The following PRKN variants were observed in gnomAD, a reference collection of about 807,000 sequenced individuals.
The protein encoded by PRKN is E3 ubiquitin-protein ligase parkin.
A neutral mutation model predicts 59.5 loss-of-function variants in PRKN; 56 were observed. The ratio of observed to expected loss-of-function variants is 0.94; its 90% CI spans 0.76 to 1.18. The LOEUF (loss-of-function observed/expected upper bound fraction) is 1.18. Among genes scored for constraint, PRKN ranks in the 50% most tolerant of loss-of-function variants. PRKN has a pLI of 0.00. For synonymous variants in PRKN, 250 were observed against 222.1 expected, an observed-to-expected ratio of 1.13 and a Z score of -1.12; for missense variants, 657 against 596.4, an observed-to-expected ratio of 1.10 and a Z score of -1.06.
rs1011629886 is a variant in PRKN at position 161,502,929 on chromosome 6, T to C, written c.1083+45925A>G. Among the ~76,000 whole-genome samples, 2 of 152,172 alleles carry C rather than the reference T, an allele frequency of 1.3e-5. No homozygotes were observed. Among genetic ancestry groups the C allele is most frequent in the South Asian group, 2.1e-4 (1 of 4,826 alleles). On this transcript the variant is annotated intron_variant, in intron 9 of 11. Transcript: ENST00000366898. This position sits in a 1 kb window ranked among gnomAD's most constrained non-coding sequence, Gnocchi z 4.0. ...TTGCTTTAACCTTCACTTTCTTCATTTTAATTGTAGGAGGAGAACAGCACT... is the reference window on the plus strand; with the variant it reads ...TTGCTTTAACCTTCACTTTCTTCATCTTAATTGTAGGAGGAGAACAGCACT...
intron 9 of PRKN, among the ~76,000 whole-genome samples, chr6:161,387,292 G>T (rs1786301416): frequency 3.3e-5 from 5 of 152,202 alleles, no homozygotes; most frequent in Admixed American, 3.3e-4. Context: ...GATAGTGAGT[G>T]AGTTCTCACG....
intron 1 of PRKN, among the ~76,000 whole-genome samples, chr6:162,497,278 G>T (rs2128186731): frequency 6.6e-6 from 1 of 152,198 alleles, no homozygotes; most frequent in East Asian, 1.9e-4. Flanking sequence ...ATTTAAACTT[G>T]GCAAGTAGTC....
At chr6:161,996,524 T>G (rs1415168767) in intron 5 of PRKN, among the ~76,000 whole-genome samples, 1 of 152,164 alleles carries the variant, frequency 6.6e-6, no homozygotes, top group East Asian at 1.9e-4. Flanking sequence ...CCAAATTTAC[T>G]GAAATTAATT....
chr6:161,510,887 A>T (rs561077041), intron 9 of PRKN, among the ~76,000 whole-genome samples: 93 of 152,294 alleles, frequency 6.1e-4, no homozygotes, highest in Non-Finnish European at 7.8e-4. Flanking sequence ...CCATTTTTGC[A>T]GGAGAGGGTG....
intron 1 of PRKN, among the ~76,000 whole-genome samples, chr6:162,450,163 C>T (rs10945835): frequency 0.17 from 25,795 of 152,034 alleles, 2,531 homozygotes; most frequent in Non-Finnish European, 0.2. Flanking sequence ...GATGAAGGTG[C>T]GTTATCAGAC....
intron 5 of PRKN, among the ~76,000 whole-genome samples, chr6:162,013,094 C>T (rs1782798208): frequency 6.6e-6 from 1 of 152,078 alleles, no homozygotes; most frequent in South Asian, 2.1e-4. Context: ...GGTTGCCAAA[C>T]TGCAGTTTTT....
chr6:162,592,428 A>G (rs1781347912), intron 1 of PRKN, among the ~76,000 whole-genome samples: 1 of 152,178 alleles, frequency 6.6e-6, no homozygotes. Context: ...ACCTCTTCAG[A>G]TTCAGCTTTA....
chr6:162,345,168 C>T (rs1011798662), intron 2 of PRKN, among the ~76,000 whole-genome samples: 3 of 152,200 alleles, frequency 2.0e-5, no homozygotes, highest in Non-Finnish European at 4.4e-5. Context: ...ACAATTGCTC[C>T]TCACATATCA....
rs185305381 is a variant in PRKN at position 161,533,032 on chromosome 6, C to G, written c.1083+15822G>C. On this transcript the variant is annotated intron_variant, in intron 9 of 11. Coordinates refer to ENST00000366898, the MANE Select transcript of PRKN (RefSeq NM_004562.3). This position sits in a 1 kb window ranked among gnomAD's most constrained non-coding sequence, Gnocchi z 4.1. ...ATATTTTTAGATTTAAAAAAGGCAG[C>G]AAATTATGCAGCATAATAAAGATGG... Among the ~76,000 whole-genome samples, 6 of 152,058 alleles carry G rather than the reference C, an allele frequency of 3.9e-5. No homozygotes were observed. The East Asian group carries it at 1.2e-3, about 29-fold the overall frequency.
chr6:161,491,317 T>C (rs371720818), intron 9 of PRKN, among the ~76,000 whole-genome samples: 32 of 152,300 alleles, frequency 2.1e-4, no homozygotes, highest in African/African-American at 7.2e-4. Context: ...GCTTTCTCGA[T>C]TGCTCTGTGA....
At chr6:162,053,880 T>C (rs747189683) in intron 5 of PRKN, among the ~76,000 whole-genome samples, 12 of 152,142 alleles carry the variant, frequency 7.9e-5, no homozygotes, top group Non-Finnish European at 1.6e-4. Context: ...CCCCAAATGA[T>C]TAAGTCACTA....
At chr6:161,619,266 C>T (rs377609607) in intron 7 of PRKN, among the ~76,000 whole-genome samples, 3 of 141,456 alleles carry the variant, frequency 2.1e-5, no homozygotes, top group East Asian at 2.0e-4. Flanking sequence ...AAAAGAGTGA[C>T]GCAATCTCGA....
chr6:161,504,753 C>T (rs1165704747), intron 9 of PRKN, among the ~76,000 whole-genome samples: 2 of 149,076 alleles, frequency 1.3e-5, no homozygotes, highest in Non-Finnish European at 3.0e-5. Flanking sequence ...CAATTCCCAC[C>T]TATGAGTGAG....
chr6:162,280,796 C>CAAAAAAAA (rs35943173), intron 2 of PRKN, among the ~76,000 whole-genome samples: 10 of 41,336 alleles, frequency 2.4e-4, no homozygotes, highest in Admixed American at 2.3e-3. Flanking sequence ...GACTCCATCT[C>CAAAAAAAA]AAAAAAAAAA....
chr6:162,569,223 A>C, intron 1 of PRKN: 1 of 570,542 alleles, frequency 1.8e-6, no homozygotes, highest in Admixed American at 2.4e-5. Context: ...AACATCAGCC[A>C]GCCCCAGGCT....
At chr6:162,201,519 G>T (rs1034669178) in intron 3 of PRKN, among the ~76,000 whole-genome samples, 1 of 152,126 alleles carries the variant, frequency 6.6e-6, no homozygotes, top group Non-Finnish European at 1.5e-5. Context: ...CAAGAGAATC[G>T]GGCAAGTGTA....
At chr6:162,609,290 C>T (rs577038027) in intron 1 of PRKN, among the ~76,000 whole-genome samples, 1 of 152,132 alleles carries the variant, frequency 6.6e-6, no homozygotes, top group Non-Finnish European at 1.5e-5. Flanking sequence ...TTCCTGACCT[C>T]GCCTTAGACT....
chr6:162,292,058 C>T (rs1283363905), intron 2 of PRKN, among the ~76,000 whole-genome samples: 1 of 151,110 alleles, frequency 6.6e-6, no homozygotes, highest in Non-Finnish European at 1.5e-5. Flanking sequence ...CTGCCTCCCA[C>T]ATTCAAGCGA....
chr6:161,403,295 G>A (rs57728871), intron 9 of PRKN, among the ~76,000 whole-genome samples: 3,888 of 151,966 alleles, frequency 0.026, 171 homozygotes, highest in African/African-American at 0.09. Flanking sequence ...ATTGCCTAAC[G>A]ACATAGATCA....
Sources: allele counts gnomAD v4.1 joint callset (sites outside exome capture counted in the v4.1 genomes callset), GRCh38; gene constraint gnomAD v4.1.1; non-coding constraint Gnocchi (gnomAD v3.1); transcripts MANE v1.5; gene names NCBI Gene and HGNC (gene_info 2026-07-23, HGNC 2026-07-21).